AGR3: variants seen among roughly 807,000 people sequenced by gnomAD.
AGR3 encodes anterior gradient 3, protein disulphide isomerase family member.
A neutral mutation model predicts 24.5 loss-of-function variants in AGR3; 37 were observed. The ratio of observed to expected loss-of-function variants is 1.51; its 90% CI spans 1.16 to 1.99. The LOEUF (loss-of-function observed/expected upper bound fraction) is 1.99, where lower values mean the gene tolerates loss of function less well. Among genes scored for constraint, AGR3 ranks in the 30% most tolerant of loss-of-function variants. The pLI, the probability that AGR3 is intolerant of heterozygous loss-of-function variation, is 0.00. For missense variants in AGR3, 228 were observed against 191.1 expected, an observed-to-expected ratio of 1.19 and a Z score of -1.14; for synonymous variants, 75 against 61.6, an observed-to-expected ratio of 1.22 and a Z score of -1.02.
downstream of AGR3, among the ~76,000 whole-genome samples, chr7:16,855,899 A>G (rs986099462): frequency 3.9e-5 from 6 of 152,214 alleles, no homozygotes; most frequent in Non-Finnish European, 7.3e-5. Flanking sequence ...ATACTTATGT[A>G]TTGTAAGATT....
chr7:16,865,353 T>G lies in AGR3; in HGVS notation c.174-2691A>C, dbSNP rs937801339. ...TTGACAGAGCACCTCTAGAGAAGTT[T>G]TGTCAGGGACAGTAATTTTTCCTCC... is the stretch of plus-strand genomic sequence containing the variant. On this transcript the variant is annotated intron_variant, in intron 3 of 7. Transcript: ENST00000310398. 14 of 1,139,970 alleles carry G rather than the reference T, an allele frequency of 1.2e-5. No homozygotes were observed. The Admixed American group carries it at 2.2e-4, about 18-fold the overall frequency. 70.6% of individuals were successfully genotyped at this position (1,139,970 alleles called of 1,614,324 possible).
At chr7:16,857,274 A>T (rs1781566051), downstream of AGR3, among the ~76,000 whole-genome samples, 2 of 152,212 alleles carry the variant, frequency 1.3e-5, no homozygotes, top group South Asian at 2.1e-4. Context: ...ACATATAATT[A>T]TATGCATAAT....
chr7:16,873,591 A>G, intron 3 of AGR3, 189 bp downstream of exon 3: 1 of 574,142 alleles, frequency 1.7e-6, no homozygotes, highest in Non-Finnish European at 3.1e-6. Flanking sequence ...AAGCTAGTAG[A>G]GAGGATTTTG....
At chr7:16,881,435 T>C (rs1404154151) in intron 1 of AGR3, among the ~76,000 whole-genome samples, 2 of 152,198 alleles carry the variant, frequency 1.3e-5, no homozygotes, top group Admixed American at 1.3e-4. Flanking sequence ...GGTCCTTTAG[T>C]ATCAGTTGCA....
intron 1 of AGR3, among the ~76,000 whole-genome samples, chr7:16,881,310 G>C (rs1201837385): frequency 6.6e-6 from 1 of 152,140 alleles, no homozygotes; most frequent in Admixed American, 6.5e-5. Context: ...GTTTTACATT[G>C]ATAAATTATA....
intron 3 of AGR3, among the ~76,000 whole-genome samples, chr7:16,868,088 G>A (rs1452180262): frequency 6.6e-6 from 1 of 151,652 alleles, no homozygotes; most frequent in African/African-American, 2.4e-5. Flanking sequence ...TTTCATTGTG[G>A]TATTAATTTG....
intron 4 of AGR3, 21 bp from the exon 5 acceptor site, chr7:16,862,081 G>A (rs935399127): frequency 1.3e-6 from 2 of 1,579,436 alleles, no homozygotes; most frequent in South Asian, 1.1e-5. Flanking sequence ...AAACAAAATT[G>A]CCAGTTAGTT....
downstream of AGR3, among the ~76,000 whole-genome samples, chr7:16,855,666 T>C (rs1781548399): frequency 6.6e-6 from 1 of 152,158 alleles, no homozygotes; most frequent in Non-Finnish European, 1.5e-5. Context: ...AAAAACAAAT[T>C]TTAAAAGAAG....
intron 1 of AGR3, 73 bp from the exon 2 acceptor site, chr7:16,878,718 G>A (rs1782044202): frequency 8.5e-7 from 1 of 1,171,824 alleles, no homozygotes; most frequent in Non-Finnish European, 1.2e-6. Flanking sequence ...TTTGCTAAGA[G>A]TTGGACCAAT....
chr7:16,855,256 C>G (rs549818550), downstream of AGR3, among the ~76,000 whole-genome samples: 122 of 152,214 alleles, frequency 8.0e-4, no homozygotes, highest in African/African-American at 2.7e-3. Flanking sequence ...TAGGAAATAC[C>G]TCCATTCTGA....
intron 3 of AGR3, among the ~76,000 whole-genome samples, chr7:16,872,971 A>T (rs910660419): frequency 2.0e-5 from 3 of 152,222 alleles, no homozygotes; most frequent in African/African-American, 7.2e-5. Flanking sequence ...GTGAGGATGC[A>T]GAGAAGAGGG....
At chr7:16,859,960 TA>T (rs1781609080) in intron 7 of AGR3, among the ~76,000 whole-genome samples, 1 of 151,896 alleles carries the variant, frequency 6.6e-6, no homozygotes, top group Non-Finnish European at 1.5e-5. Flanking sequence ...ATGAATGTTG[TA>T]AAAAATAGAT....
At chr7:16,866,835 T>C (rs1488046624) in intron 3 of AGR3, among the ~76,000 whole-genome samples, 1 of 152,166 alleles carries the variant, frequency 6.6e-6, no homozygotes, top group Non-Finnish European at 1.5e-5. Context: ...AAGTCACCCT[T>C]CTAATATGTG....
At chr7:16,858,275 T>G (rs560779789), downstream of AGR3, among the ~76,000 whole-genome samples, 138 of 152,238 alleles carry the variant, frequency 9.1e-4, 2 homozygotes, top group Middle Eastern at 3.4e-3. Flanking sequence ...ATTACAGGTA[T>G]GAGCCACCGC....
At chr7:16,872,097 GA>G (rs59200719) in intron 3 of AGR3, among the ~76,000 whole-genome samples, 144,406 of 152,106 alleles carry the variant, frequency 0.95, 68,818 homozygotes, top group Non-Finnish European at 1. Flanking sequence ...GAAACAGAAA[GA>G]AAAAAATCTT....
intron 3 of AGR3, chr7:16,864,287 C>T (rs1781706705): frequency 7.4e-7 from 1 of 1,354,524 alleles, no homozygotes; most frequent in Non-Finnish European, 1.1e-6. Context: ...CTCTCATAGT[C>T]TTCTATTATT....
intron 2 of AGR3, among the ~76,000 whole-genome samples, chr7:16,875,988 G>T (rs1781979979): frequency 6.6e-6 from 1 of 152,128 alleles, no homozygotes; most frequent in East Asian, 1.9e-4. Flanking sequence ...TTCAATGATG[G>T]AGCATTAGCA....
chr7:16,865,568 C>A (rs1028879204), intron 3 of AGR3: 2 of 704,936 alleles, frequency 2.8e-6, no homozygotes, highest in Admixed American at 2.0e-5. Flanking sequence ...GACCAATCTT[C>A]ACATACTTCC....
chr7:16,865,474 C>G (rs1338185452), intron 3 of AGR3: 3 of 748,234 alleles, frequency 4.0e-6, no homozygotes, highest in Non-Finnish European at 7.2e-6. Context: ...GTAGAATGCT[C>G]TTCCCGAATT....
Sources: allele counts gnomAD v4.1 joint callset (sites outside exome capture counted in the v4.1 genomes callset), GRCh38; gene constraint gnomAD v4.1.1; transcripts MANE v1.5; gene names NCBI Gene and HGNC (gene_info 2026-07-23, HGNC 2026-07-21).